The following XIRP2 variants were observed in gnomAD, a reference collection of about 807,000 sequenced individuals.
The protein encoded by XIRP2 is xin actin binding repeat containing 2.
A neutral mutation model predicts 277.0 loss-of-function variants in XIRP2; 236 were observed. The ratio of observed to expected loss-of-function variants is 0.85; its 90% CI spans 0.77 to 0.95. The LOEUF is 0.95. Ranked by LOEUF, XIRP2 falls within the 40% of genes least tolerant of loss-of-function variation. The pLI is 0.00. For synonymous variants in XIRP2, 1,490 were observed against 1,416.5 expected (o/e 1.05, Z -1.17); for missense variants, 4,640 against 4,157.5 (o/e 1.12, Z -3.19).
Position 167,249,969 on chromosome 2 carries a change from T to C in XIRP2, c.8577T>C (p.Asp2859=), listed in dbSNP as rs76493934. The C allele has an allele frequency of 1.7e-3, 2,701 of 1,613,576 alleles. 80 individuals carry two copies. In the East Asian group the frequency reaches 0.056, roughly 33 times the overall value. ...APKVVKQKVI[D]AHLDSQTQNF... ...AGGTCGTCAAGCAAAAGGTTATCGA[T>C]GCACATCTTGATTCACAGACTCAGA... Residue 2859 remains aspartate (D), a synonymous_variant, in exon 9 of 11, where the codon GAT becomes GAC. Transcript: ENST00000409195.
intron 9 of XIRP2, among the ~76,000 whole-genome samples, chr2:167,252,533 A>AT (rs1220287538): frequency 4.6e-5 from 7 of 151,834 alleles, no homozygotes; most frequent in African/African-American, 1.7e-4. Flanking sequence ...TTTCTAACTG[A>AT]TTTTTTTCGC....
At position 167,022,859 on chromosome 2, in the gene XIRP2, G is replaced by C. The variant is rs77060144; in HGVS notation, c.409-113050G>C. On this transcript the variant is annotated intron_variant, in intron 2 of 10. Coordinates refer to ENST00000409195, the MANE Select transcript of XIRP2 (RefSeq NM_152381.6). Reference sequence around the variant, plus strand: ...TTTCTTAATACAGTCCATCATTGTTGGACATTTGGGTTGGTTCCAAGTCTT... The same window carrying C: ...TTTCTTAATACAGTCCATCATTGTTCGACATTTGGGTTGGTTCCAAGTCTT... Among the ~76,000 whole-genome samples, 962 of 152,200 alleles carry C rather than the reference G, an allele frequency of 6.3e-3. 13 individuals carry two copies. Among genetic ancestry groups the C allele is most frequent in the African/African-American group, 0.022 (913 of 41,536 alleles).
intron 2 of XIRP2, among the ~76,000 whole-genome samples, chr2:166,932,779 C>T (rs141537385): frequency 1.0e-3 from 154 of 152,128 alleles, no homozygotes; most frequent in African/African-American, 3.5e-3. Flanking sequence ...GCAACACCAC[C>T]GCTTGAAAAG....
intron 5 of XIRP2, among the ~76,000 whole-genome samples, chr2:167,219,123 G>A (rs557396510): frequency 2.0e-5 from 3 of 152,154 alleles, no homozygotes; most frequent in African/African-American, 7.2e-5. Context: ...TGCTATGTGT[G>A]GCAGGGGATG....
chr2:167,136,459 A>G (rs2105319143), intron 3 of XIRP2, among the ~76,000 whole-genome samples: 1 of 152,312 alleles, frequency 6.6e-6, no homozygotes, highest in Non-Finnish European at 1.5e-5. Context: ...ATAAAAAAAT[A>G]AATAAGATGC....
At chr2:167,028,345 C>T (rs1688232390) in intron 2 of XIRP2, among the ~76,000 whole-genome samples, 1 of 152,004 alleles carries the variant, frequency 6.6e-6, no homozygotes, top group Admixed American at 6.6e-5. Flanking sequence ...CTGATTCAGG[C>T]AGCTCAGGAC....
chr2:167,160,487 G>A (rs1204890888), intron 3 of XIRP2, among the ~76,000 whole-genome samples: 2 of 152,306 alleles, frequency 1.3e-5, no homozygotes, highest in African/African-American at 2.4e-5. Context: ...CCCATGTGGT[G>A]GGGGAAGCCT....
At chr2:167,105,773 A>G (rs1690601846) in intron 2 of XIRP2, among the ~76,000 whole-genome samples, 1 of 151,868 alleles carries the variant, frequency 6.6e-6, no homozygotes, top group Non-Finnish European at 1.5e-5. Context: ...TTTACATTAC[A>G]ATACATAAGT....
chr2:167,071,882 A>T (rs551833335), intron 2 of XIRP2, among the ~76,000 whole-genome samples: 1 of 152,276 alleles, frequency 6.6e-6, no homozygotes, highest in South Asian at 2.1e-4. Flanking sequence ...AGGTCCACAG[A>T]TGGAGGAATC....
intron 3 of XIRP2, among the ~76,000 whole-genome samples, chr2:167,153,883 C>A (rs1692100721): frequency 6.6e-6 from 1 of 151,142 alleles, no homozygotes; most frequent in Non-Finnish European, 1.5e-5. Flanking sequence ...GTGCATGTGT[C>A]TTTATAGCAG....
At chr2:166,917,584 G>A (rs1684923834) in intron 2 of XIRP2, among the ~76,000 whole-genome samples, 1 of 151,702 alleles carries the variant, frequency 6.6e-6, no homozygotes, top group African/African-American at 2.4e-5. Flanking sequence ...CTTCCCATTT[G>A]TTTGTGGTAG....
intron 2 of XIRP2, among the ~76,000 whole-genome samples, chr2:167,024,547 T>TTTTGAAAG (rs1331203576): frequency 6.6e-6 from 1 of 152,126 alleles, no homozygotes; most frequent in Non-Finnish European, 1.5e-5. Context: ...TCAAAGGCAA[T>TTTTGAAAG]GCTTCCAGTT....
intron 3 of XIRP2, among the ~76,000 whole-genome samples, chr2:167,171,329 T>C (rs1692684281): frequency 6.6e-6 from 1 of 152,188 alleles, no homozygotes; most frequent in South Asian, 2.1e-4. Flanking sequence ...GTTTTTCTGA[T>C]TTATTCTTCT....
chr2:166,902,704 G>T (rs1302110743), intron 1 of XIRP2, among the ~76,000 whole-genome samples: 1 of 151,896 alleles, frequency 6.6e-6, no homozygotes. Flanking sequence ...ATTCCAGTCA[G>T]TCTCACAATG....
At chr2:166,922,860 G>A (rs1383411237) in intron 2 of XIRP2, among the ~76,000 whole-genome samples, 3 of 147,114 alleles carry the variant, frequency 2.0e-5, no homozygotes, top group Non-Finnish European at 3.0e-5. Flanking sequence ...AGGGGTGATA[G>A]CATATTGCAG....
At chr2:167,134,353 A>C (rs1359789967) in intron 2 of XIRP2, among the ~76,000 whole-genome samples, 1 of 151,698 alleles carries the variant, frequency 6.6e-6, no homozygotes, top group Non-Finnish European at 1.5e-5. Flanking sequence ...CATGTGATGT[A>C]TGTATATATA....
intron 2 of XIRP2, among the ~76,000 whole-genome samples, chr2:166,931,441 A>G (rs1352599309): frequency 6.6e-6 from 1 of 152,180 alleles, no homozygotes; most frequent in Non-Finnish European, 1.5e-5. Flanking sequence ...CCTTACCCAT[A>G]GGTAACAACT....
intron 2 of XIRP2, among the ~76,000 whole-genome samples, chr2:167,042,406 A>G (rs146749230): frequency 6.5e-4 from 99 of 152,328 alleles, no homozygotes; most frequent in Non-Finnish European, 1.3e-3. Flanking sequence ...AGATGAATAA[A>G]GAAGCAAGAC....
chr2:167,221,337 G>T (rs887147082), intron 5 of XIRP2, among the ~76,000 whole-genome samples: 3 of 151,876 alleles, frequency 2.0e-5, no homozygotes, highest in Non-Finnish European at 2.9e-5. Flanking sequence ...GGTGGCGTAT[G>T]CCTGTAATCC....
Sources: gnomAD v4.1 joint callset for allele counts (sites outside exome capture counted in the v4.1 genomes callset) on GRCh38, gnomAD v4.1.1 for gene constraint, MANE v1.5 for transcripts, NCBI Gene and HGNC (gene_info 2026-07-23, HGNC 2026-07-21) for gene names.